RANBP2: variants seen among roughly 807,000 people sequenced by gnomAD.
RANBP2 encodes E3 SUMO-protein ligase RanBP2.
In RANBP2, 57 loss-of-function variants were observed where a neutral mutation model predicts 303.6. The ratio of observed to expected loss-of-function variants is 0.19; its 90% CI spans 0.15 to 0.23. RANBP2 has a LOEUF of 0.23. Ranked by LOEUF, RANBP2 falls within the 10% of genes least tolerant of loss-of-function variation. The pLI is 1.00. For missense variants in RANBP2, 3,138 were observed against 3,780.8 expected (o/e 0.83, Z 4.46); for synonymous variants, 1,167 against 1,301.5 (o/e 0.90, Z 2.23).
the RANBP2 span, among the ~76,000 whole-genome samples, chr2:109,622,155 C>T: frequency 3.3e-5 from 5 of 152,098 alleles, no homozygotes; most frequent in African/African-American, 1.2e-4. Flanking sequence ...TCATAATACC[C>T]CTTCCCTGAT....
the RANBP2 span, among the ~76,000 whole-genome samples, chr2:109,721,512 G>T: frequency 1.5e-4 from 23 of 152,258 alleles, no homozygotes; most frequent in African/African-American, 5.3e-4. Context: ...TCGCTCAGAA[G>T]GTGCCTTTTA....
At chr2:109,602,901 C>CAAAAA in the RANBP2 span, among the ~76,000 whole-genome samples, 2 of 110,380 alleles carry the variant, frequency 1.8e-5, no homozygotes, top group African/African-American at 6.9e-5. Context: ...GACCCTGTCT[C>CAAAAA]AAAAAAAAAA....
chr2:109,266,240 TTGTGTGTGC>T, the RANBP2 span, among the ~76,000 whole-genome samples: 4 of 151,092 alleles, frequency 2.6e-5, no homozygotes, highest in African/African-American at 9.7e-5. Flanking sequence ...ATTCAGTGTG[TTGTGTGTGC>T]TGTGTGTGTT....
the RANBP2 span, among the ~76,000 whole-genome samples, chr2:109,344,820 G>A: frequency 3.3e-5 from 5 of 152,192 alleles, no homozygotes; most frequent in African/African-American, 1.2e-4. Context: ...AGGAGGTAGG[G>A]CTGGAGGGAC....
chr2:108,812,974 G>A, the RANBP2 span: 1 of 1,544,978 alleles, frequency 6.5e-7, no homozygotes, highest in Non-Finnish European at 8.9e-7. Flanking sequence ...TCTCGGCTGG[G>A]TACGGTGGCT....
the RANBP2 span, among the ~76,000 whole-genome samples, chr2:108,861,891 T>C: frequency 3.9e-5 from 6 of 152,228 alleles, no homozygotes; most frequent in African/African-American, 1.4e-4. Flanking sequence ...TGGTATGTTA[T>C]ATCTTGATTT....
intron 18 of RANBP2, among the ~76,000 whole-genome samples, chr2:108,761,512 C>G (rs866987539): frequency 3.3e-5 from 5 of 152,148 alleles, no homozygotes; most frequent in African/African-American, 1.2e-4. Flanking sequence ...TGGTAAAACA[C>G]ACAAAACAGA....
the RANBP2 span, among the ~76,000 whole-genome samples, chr2:109,474,712 C>T: frequency 3.9e-5 from 6 of 152,234 alleles, no homozygotes; most frequent in Non-Finnish European, 7.3e-5. Flanking sequence ...GCAGATACTT[C>T]ACCACCATCA....
chr2:109,021,215 G>A, the RANBP2 span, among the ~76,000 whole-genome samples: 1 of 152,244 alleles, frequency 6.6e-6, no homozygotes, highest in East Asian at 1.9e-4. Context: ...ATCAGCATGG[G>A]GTCTGTGTGA....
At chr2:109,308,886 A>G in the RANBP2 span, among the ~76,000 whole-genome samples, 1 of 77,688 alleles carries the variant, frequency 1.3e-5, no homozygotes, top group Non-Finnish European at 2.1e-5. Context: ...CTTTTGGCTT[A>G]GGATTGACTT....
At chr2:108,740,382 A>T in intron 6 of RANBP2, 107 bp from the exon 7 acceptor site, 2 of 1,518,608 alleles carry the variant, frequency 1.3e-6, no homozygotes, top group Non-Finnish European at 1.8e-6. Flanking sequence ...TTGAATGTGG[A>T]AGATGAAGCT....
chr2:108,805,086 C>A, the RANBP2 span: 6 of 759,076 alleles, frequency 7.9e-6, no homozygotes, highest in South Asian at 3.4e-4. Context: ...TAAAGTCAGC[C>A]TTAGAACACG....
the RANBP2 span, among the ~76,000 whole-genome samples, chr2:109,778,466 G>A: frequency 4.0e-5 from 6 of 149,880 alleles, no homozygotes; most frequent in African/African-American, 1.5e-4. Flanking sequence ...TGATTTTCTT[G>A]TTAAGAAGGT....
chr2:108,869,470 C>T, the RANBP2 span, among the ~76,000 whole-genome samples: 1 of 152,090 alleles, frequency 6.6e-6, no homozygotes, highest in Admixed American at 6.6e-5. Context: ...AGGGCACATA[C>T]AGGGAATGCG....
chr2:109,116,318 C>G, the RANBP2 span, among the ~76,000 whole-genome samples: 2 of 152,180 alleles, frequency 1.3e-5, no homozygotes, highest in African/African-American at 2.4e-5. Context: ...TTCTTGGAGG[C>G]TTTGTTCGTT....
At chr2:108,906,675 T>C in the RANBP2 span, among the ~76,000 whole-genome samples, 1 of 152,244 alleles carries the variant, frequency 6.6e-6, no homozygotes, top group African/African-American at 2.4e-5. Flanking sequence ...GGACCCCCAC[T>C]TGCCCTCAGG....
chr2:109,591,324 T>A, the RANBP2 span, among the ~76,000 whole-genome samples: 3 of 152,138 alleles, frequency 2.0e-5, no homozygotes, highest in South Asian at 2.1e-4. Context: ...AGGATTTTAA[T>A]GTCACTGGAA....
At chr2:109,236,097 G>A in the RANBP2 span, among the ~76,000 whole-genome samples, 1 of 151,912 alleles carries the variant, frequency 6.6e-6, no homozygotes, top group Non-Finnish European at 1.5e-5. Context: ...TATGCATGAA[G>A]CTATTCACAT....
the RANBP2 span, among the ~76,000 whole-genome samples, chr2:108,965,938 C>T: frequency 2.2e-4 from 34 of 152,212 alleles, no homozygotes; most frequent in Admixed American, 7.2e-4. Context: ...GTACTATCAA[C>T]GTCAAATCAG....
Sources: gnomAD v4.1 joint callset for allele counts (sites outside exome capture counted in the v4.1 genomes callset) on GRCh38, gnomAD v4.1.1 for gene constraint, MANE v1.5 for transcripts, NCBI Gene and HGNC (gene_info 2026-07-23, HGNC 2026-07-21) for gene names.